STPG4: variants seen among roughly 807,000 people sequenced by gnomAD.
STPG4 encodes the protein sperm-tail PG-rich repeat containing 4, also known as protein STPG4.
Under a neutral mutation model 31.5 loss-of-function variants are expected in STPG4, and 41 were observed. The ratio of observed to expected loss-of-function variants is 1.30; its 90% CI spans 1.01 to 1.69. The LOEUF is 1.69. STPG4 is among the 40% of genes most tolerant of loss of function. The pLI, the probability that STPG4 is intolerant of heterozygous loss-of-function variation, is 0.00. For missense variants in STPG4, 375 were observed against 293.4 expected (o/e 1.28, Z -2.03); for synonymous variants, 141 against 103.0 (o/e 1.37, Z -2.24).
chr2:47,092,841 G>T (rs1685598701), intron 5 of STPG4, among the ~76,000 whole-genome samples: 1 of 151,836 alleles, frequency 6.6e-6, no homozygotes. Flanking sequence ...CACCCAGGCT[G>T]GAGTGCAGTC....
At chr2:47,143,116 G>A (rs548146680) in intron 3 of STPG4, among the ~76,000 whole-genome samples, 20 of 152,120 alleles carry the variant, frequency 1.3e-4, no homozygotes, top group African/African-American at 3.9e-4. Context: ...GTAAGCCACC[G>A]CACCCGGCCA....
At chr2:47,143,778 G>A (rs536108756) in intron 3 of STPG4, among the ~76,000 whole-genome samples, 28 of 152,192 alleles carry the variant, frequency 1.8e-4, no homozygotes, top group African/African-American at 5.1e-4. Flanking sequence ...GTGAGCCACC[G>A]TGTCTGGCCA....
intron 5 of STPG4, among the ~76,000 whole-genome samples, chr2:47,093,087 G>A (rs750325015): frequency 2.6e-5 from 4 of 152,150 alleles, no homozygotes; most frequent in Non-Finnish European, 4.4e-5. Flanking sequence ...CACCGCACCC[G>A]GCCCTTCCAC....
At chr2:47,102,289 G>A (rs955612569) in intron 5 of STPG4, among the ~76,000 whole-genome samples, 13 of 151,850 alleles carry the variant, frequency 8.6e-5, no homozygotes, top group Non-Finnish European at 1.6e-4. Flanking sequence ...GGGCGGTTTT[G>A]TCTTTCAGAT....
intron 1 of STPG4, 100 bp from the exon 2 acceptor site, chr2:47,153,116 C>G (rs1434565313): frequency 1.3e-6 from 1 of 753,690 alleles, no homozygotes; most frequent in Non-Finnish European, 2.2e-6. Flanking sequence ...CACACCCATA[C>G]CCAACTGATA....
chr2:47,138,879 T>G (rs562843378), intron 3 of STPG4, among the ~76,000 whole-genome samples: 2 of 152,228 alleles, frequency 1.3e-5, no homozygotes, highest in South Asian at 4.1e-4. Context: ...GAGACGGGGT[T>G]TCACCATGTT....
chr2:47,088,301 A>C (rs1685500191), intron 6 of STPG4, among the ~76,000 whole-genome samples: 1 of 152,130 alleles, frequency 6.6e-6, no homozygotes. Context: ...AATACAAATA[A>C]ATGCCATTTT....
At chr2:47,091,222 C>T (rs539503048) in intron 5 of STPG4, among the ~76,000 whole-genome samples, 1 of 152,262 alleles carries the variant, frequency 6.6e-6, no homozygotes, top group East Asian at 1.9e-4. Flanking sequence ...TAACAACAAG[C>T]ACAAGCACTC....
intron 5 of STPG4, among the ~76,000 whole-genome samples, chr2:47,128,059 C>T (rs1249644146): frequency 6.6e-6 from 1 of 152,140 alleles, no homozygotes; most frequent in East Asian, 1.9e-4. Context: ...CATTAGAGGG[C>T]ACCCCAAGCC....
intron 5 of STPG4, among the ~76,000 whole-genome samples, chr2:47,119,615 C>T (rs1686226197): frequency 6.6e-6 from 1 of 152,156 alleles, no homozygotes; most frequent in Non-Finnish European, 1.5e-5. Context: ...CTGCTTGCTT[C>T]CAAAGCCAAC....
intron 3 of STPG4, among the ~76,000 whole-genome samples, chr2:47,133,863 C>T (rs1686541653): frequency 6.6e-6 from 1 of 151,996 alleles, no homozygotes; most frequent in South Asian, 2.1e-4. Flanking sequence ...AGACATGAGA[C>T]ACAGCGCCCG....
chr2:47,114,097 G>A (rs1043040994), intron 5 of STPG4, among the ~76,000 whole-genome samples: 1 of 152,062 alleles, frequency 6.6e-6, no homozygotes, highest in African/African-American at 2.4e-5. Context: ...TGGGCTGAGT[G>A]TGGTGGCTCA....
chr2:47,132,125 A>G (rs528461924), intron 3 of STPG4, among the ~76,000 whole-genome samples: 5 of 151,556 alleles, frequency 3.3e-5, no homozygotes, highest in Admixed American at 6.6e-5. Flanking sequence ...AGATCGTGCC[A>G]CTGGACTCCA....
intron 5 of STPG4, among the ~76,000 whole-genome samples, chr2:47,109,749 T>C (rs1170121310): frequency 1.3e-5 from 2 of 152,220 alleles, no homozygotes; most frequent in Non-Finnish European, 2.9e-5. Flanking sequence ...ACTGTGTTTA[T>C]TAATTCTTTT....
intron 1 of STPG4, among the ~76,000 whole-genome samples, chr2:47,154,097 C>T (rs2103811981): frequency 6.6e-6 from 1 of 152,240 alleles, no homozygotes; most frequent in East Asian, 1.9e-4. Context: ...AAATATAGGT[C>T]ATCAAGCAGG....
intron 5 of STPG4, among the ~76,000 whole-genome samples, chr2:47,121,364 T>C (rs1686269521): frequency 1.3e-5 from 2 of 152,096 alleles, no homozygotes; most frequent in Non-Finnish European, 2.9e-5. Context: ...TTCTACACAC[T>C]GAATGATGAG....
chr2:47,089,370 G>C lies in STPG4; in HGVS notation c.624+900C>G, dbSNP rs369114337. Among the ~76,000 whole-genome samples the C allele has an allele frequency of 1.9e-4, 29 of 152,332 alleles. 1 individual carries two copies. Among genetic ancestry groups the C allele is most frequent in the African/African-American group, 6.3e-4 (26 of 41,580 alleles). On this transcript the variant is annotated intron_variant, in intron 6 of 6. Transcript: ENST00000445927. ...TGCTGCCCAGCAGCTCTGGGGCAGA[G>C]ATTCTGCAGGCCATGGCCTGGGATA...
chr2:47,150,226 C>T (rs1390045263), intron 3 of STPG4, among the ~76,000 whole-genome samples: 4 of 152,226 alleles, frequency 2.6e-5, no homozygotes, highest in Non-Finnish European at 5.9e-5. Flanking sequence ...CAGTTAAGTT[C>T]TACGTAAGCC....
Position 47,120,099 on chromosome 2 carries a change from C to G in STPG4, c.519+9842G>C, listed in dbSNP as rs182128734. 4.8e-4 allele frequency among the ~76,000 whole-genome samples: 73 copies of G among 152,164 alleles called. 1 individual carries two copies. The highest frequency in any genetic ancestry group is 1.7e-3 in the African/African-American group (69 of 41,524). ...TAATCCCAGCCCTTTGGGAGGCTAACGTGGGTGGATCACTTAAGGTCAGGA... is the reference window on the plus strand; with the variant it reads ...TAATCCCAGCCCTTTGGGAGGCTAAGGTGGGTGGATCACTTAAGGTCAGGA... On this transcript the variant is annotated intron_variant, in intron 5 of 6. Coordinates refer to ENST00000445927, the MANE Select transcript of STPG4 (RefSeq NM_001163561.2).
Sources: gnomAD v4.1 joint callset for allele counts (sites outside exome capture counted in the v4.1 genomes callset) on GRCh38, gnomAD v4.1.1 for gene constraint, MANE v1.5 for transcripts, NCBI Gene and HGNC (gene_info 2026-07-23, HGNC 2026-07-21) for gene names.